HIF1A: variants seen among roughly 807,000 people sequenced by gnomAD.
HIF1A encodes hypoxia-inducible factor 1-alpha.
A neutral mutation model predicts 92.7 loss-of-function variants in HIF1A; 24 were observed. The observed-to-expected ratio is 0.26, with a 90% CI of 0.19 to 0.36. The LOEUF (loss-of-function observed/expected upper bound fraction) is 0.36, where lower values mean the gene tolerates loss of function less well. HIF1A is among the 10% of genes least tolerant of loss of function. The probability of loss-of-function intolerance (pLI) is 1.00; values close to 1 mark genes in which losing one functional copy is unlikely to be tolerated. For synonymous variants in HIF1A, 319 were observed against 338.7 expected, an observed-to-expected ratio of 0.94 and a Z score of 0.64; for missense variants, 799 against 998.5, an observed-to-expected ratio of 0.80 and a Z score of 2.69.
At chr14:61,737,873 A>C (rs2044657369) in intron 9 of HIF1A, among the ~76,000 whole-genome samples, 1 of 152,028 alleles carries the variant, frequency 6.6e-6, no homozygotes. Context: ...CCAAAAATAC[A>C]AAAGTTAGCT....
At chr14:61,699,652 C>A (rs1403765749) in intron 1 of HIF1A, among the ~76,000 whole-genome samples, 1 of 151,970 alleles carries the variant, frequency 6.6e-6, no homozygotes, top group Non-Finnish European at 1.5e-5. Context: ...TGTTTCTTAA[C>A]CAGGATAAAA....
chr14:61,720,129 C>T (rs2044409391), intron 1 of HIF1A, among the ~76,000 whole-genome samples: 1 of 152,174 alleles, frequency 6.6e-6, no homozygotes. Flanking sequence ...GGAGGAAACA[C>T]CTGCTTCCGA....
intron 1 of HIF1A, among the ~76,000 whole-genome samples, chr14:61,718,623 A>G (rs1234803873): frequency 2.6e-5 from 4 of 152,214 alleles, no homozygotes; most frequent in African/African-American, 9.7e-5. Context: ...ACAGAGAACA[A>G]TGCAGTGAAA....
rs149019950 is a variant in HIF1A at position 61,745,768 on chromosome 14, T to C, written c.2280T>C (p.Ser760=). ...LSWKRVKGCK[S]SEQNGMEQKT... is the part of the protein sequence containing the mutation. ...GGAAACGTGTAAAAGGATGCAAATC[T>C]AGTGAACAGAATGGAATGGAGCAAA... Residue 760 remains serine, a synonymous_variant, in exon 14 of 15, where the codon TCT becomes TCC. Coordinates refer to ENST00000337138, the MANE Select transcript of HIF1A (RefSeq NM_001530.4). 650 of 1,612,130 alleles carry C rather than the reference T, an allele frequency of 4.0e-4. 3 individuals carry two copies. Among genetic ancestry groups the C allele is most frequent in the Middle Eastern group, 1.8e-3 (11 of 6,062 alleles).
intron 4 of HIF1A, among the ~76,000 whole-genome samples, chr14:61,722,984 GAA>G (rs2140138939): frequency 6.6e-6 from 1 of 152,220 alleles, no homozygotes; most frequent in African/African-American, 2.4e-5. Context: ...ACAAAAACAA[GAA>G]AGTCTTTCCA....
chr14:61,720,435 G>A lies in HIF1A; in HGVS notation c.89G>A (p.Arg30Gln). 1 of 1,613,242 alleles carries A rather than the reference G, an allele frequency of 6.2e-7. No homozygotes were observed. The highest frequency in any genetic ancestry group is 8.5e-7 in the Non-Finnish European group (1 of 1,179,700). ...TCTCGAGATGCAGCCAGATCTCGGC[G>A]AAGTAAAGAATCTGAAGTTTTTTAT... is the stretch of plus-strand genomic sequence containing the variant. ...EKSRDAARSR[R>Q]SKESEVFYEL... is the part of the protein sequence containing the mutation. Residue 30 changes from arginine (R) to glutamine (Q), a missense_variant, in exon 2 of 15, where the codon CGA (arginine) becomes CAA (glutamine). Physicochemically the swap from Arg to Gln is conservative, Grantham distance 43 (BLOSUM62 1). Around this residue, in one of 2 missense-constraint regions of HIF1A, gnomAD observed 516 missense variants for 721.0 expected, o/e 0.72. Transcript: ENST00000337138.
intron 14 of HIF1A, 67 bp downstream of exon 14, chr14:61,745,884 G>A: frequency 7.3e-7 from 1 of 1,362,178 alleles, no homozygotes; most frequent in South Asian, 1.3e-5. Flanking sequence ...TTATTTAGGA[G>A]CTTTAATCTA....
At chr14:61,745,452 G>GGTAA in intron 13 of HIF1A, 2 of 490,528 alleles carry the variant, frequency 4.1e-6, no homozygotes, top group South Asian at 4.4e-5. Flanking sequence ...TATGTTTTGG[G>GGTAA]GTAAGTCAAT....
At chr14:61,744,120 G>C (rs1295656535) in intron 12 of HIF1A, among the ~76,000 whole-genome samples, 1 of 152,148 alleles carries the variant, frequency 6.6e-6, no homozygotes, top group African/African-American at 2.4e-5. Context: ...TGTTATATTA[G>C]GTGGAATAAA....
chr14:61,743,488 CAAT>C (rs577007402), intron 12 of HIF1A, among the ~76,000 whole-genome samples: 71 of 152,134 alleles, frequency 4.7e-4, no homozygotes, highest in Non-Finnish European at 7.1e-4. Flanking sequence ...ACTACTACTA[CAAT>C]GATATTTACA....
intron 1 of HIF1A, chr14:61,698,074 A>G (rs1012716856): frequency 2.0e-6 from 1 of 499,372 alleles, no homozygotes; most frequent in East Asian, 3.5e-5. Flanking sequence ...GAATGTCAAG[A>G]GAGTAATGAT....
chr14:61,697,838 T>C, intron 1 of HIF1A: 1 of 1,502,276 alleles, frequency 6.7e-7, no homozygotes, highest in Non-Finnish European at 8.8e-7. Context: ...AGCAATTTTT[T>C]TTTTCATTTT....
chr14:61,700,387 A>G (rs2044164579), intron 1 of HIF1A, among the ~76,000 whole-genome samples: 1 of 152,156 alleles, frequency 6.6e-6, no homozygotes, highest in African/African-American at 2.4e-5. Flanking sequence ...CCTCATATAA[A>G]TAGAATTATA....
Position 61,734,637 on chromosome 14 carries a change from A to T in HIF1A, c.1028+352A>T, listed in dbSNP as rs1423611990. Among the ~76,000 whole-genome samples the T allele has an allele frequency of 2.0e-5, 3 of 152,346 alleles. No homozygotes were observed. The East Asian group carries it at 5.8e-4, about 29-fold the overall frequency. ...CTTTTTGTAGGAAGAATCCTGGCCT[A>T]GATTTGTATCATAGCTCTACCACTC... On this transcript the variant is annotated intron_variant, in intron 8 of 14. Transcript: ENST00000337138.
At position 61,740,948 on chromosome 14, in the gene HIF1A, C is replaced by T; in HGVS notation, c.1853C>T (p.Thr618Ile). 1 of 1,614,068 alleles carries T rather than the reference C, an allele frequency of 6.2e-7. No individual in the cohort carries two copies. Among genetic ancestry groups the T allele is most frequent in the East Asian group, 2.2e-5 (1 of 44,886 alleles). Residue 618 changes from threonine (T) to isoleucine (I), a missense_variant, in exon 12 of 15, where the codon ACT becomes ATT. Transcript: ENST00000337138. ...QEPTANATTT[T>I]ATTDELKTVT... Reference sequence around the variant, plus strand: ...CCTACTGCTAATGCCACCACTACCACTGCCACCACTGATGAATTAAAAACA... The same window carrying T: ...CCTACTGCTAATGCCACCACTACCATTGCCACCACTGATGAATTAAAAACA...
At chr14:61,707,069 TAA>T (rs1163618127) in intron 1 of HIF1A, among the ~76,000 whole-genome samples, 3 of 152,232 alleles carry the variant, frequency 2.0e-5, no homozygotes, top group Non-Finnish European at 4.4e-5. Context: ...GTAGGTTTTT[TAA>T]AGAGAAAAGT....
intron 7 of HIF1A, among the ~76,000 whole-genome samples, chr14:61,733,124 C>T (rs1014902837): frequency 2.6e-5 from 4 of 152,028 alleles, no homozygotes; most frequent in East Asian, 1.9e-4. Flanking sequence ...ATCTCACTCT[C>T]GCCCAGGCTG....
chr14:61,717,451 CATA>C (rs1381015428), intron 1 of HIF1A, among the ~76,000 whole-genome samples: 2 of 152,148 alleles, frequency 1.3e-5, no homozygotes, highest in East Asian at 3.9e-4. Flanking sequence ...TGATAAAGGA[CATA>C]ATAATTTTTA....
rs921262259 is a variant in HIF1A, at chr14:61,737,460, T to C, written c.1249+351T>C. On this transcript the variant is annotated intron_variant, in intron 9 of 14. Coordinates refer to ENST00000337138, the MANE Select transcript of HIF1A (RefSeq NM_001530.4). Reference sequence around the variant, plus strand: ...ATTGTTGCATTAAAGGATAAAAAAGTAGTCATACTATAACATCAAGCATTG... The same window carrying C: ...ATTGTTGCATTAAAGGATAAAAAAGCAGTCATACTATAACATCAAGCATTG... Among the ~76,000 whole-genome samples, 5 of 152,330 alleles carry C rather than the reference T, an allele frequency of 3.3e-5. No individual in the cohort carries two copies. In the East Asian group the frequency reaches 9.6e-4, roughly 29 times the overall value.
Sources: gnomAD v4.1 joint callset for allele counts (sites outside exome capture counted in the v4.1 genomes callset) on GRCh38, gnomAD v4.1.1 for gene constraint, gnomAD v4.1.1 regional missense constraint, MANE v1.5 for transcripts, NCBI Gene and HGNC (gene_info 2026-07-23, HGNC 2026-07-21) for gene names.